CHFR: variants seen among roughly 807,000 people sequenced by gnomAD.
CHFR encodes checkpoint with forkhead and ring finger domains, also known as E3 ubiquitin-protein ligase CHFR.
A neutral mutation model predicts 87.6 loss-of-function variants in CHFR; 57 were observed. The observed-to-expected ratio is 0.65, with a 90% CI of 0.53 to 0.81. The LOEUF is 0.81. CHFR is among the 30% of genes least tolerant of loss of function. The pLI, the probability that CHFR is intolerant of heterozygous loss-of-function variation, is 0.00. For synonymous variants in CHFR, 381 were observed against 359.2 expected, an observed-to-expected ratio of 1.06 and a Z score of -0.69; for missense variants, 797 against 865.8, an observed-to-expected ratio of 0.92 and a Z score of 1.00.
chr12:132,836,470 AGGGCG>A lies in CHFR; in HGVS notation c.*5079_*5083del. 3.1e-6 allele frequency: 1 copy of A among 324,616 alleles called. No individual in the cohort carries two copies. The allele number at this position is 324,616 out of a possible 1,614,324, so 20.1% of individuals were successfully genotyped here. A position where few individuals can be genotyped will look rare whatever the true frequency, so the allele number is the denominator to read the frequency against. The stretch of plus-strand genomic sequence containing the variant: ...GCACTCACAGTGACAGGCTCCCAGC[AGGGCG>A]CACGGCACTCACAGTGACAGGCTCC... On this transcript the variant is annotated 3_prime_UTR_variant, in exon 18 of 18. Coordinates refer to ENST00000450056, the MANE Select transcript of CHFR (RefSeq NM_001161346.2).
In CHFR at chr12:132,839,686, C is replaced by G. The variant is rs146473933; in HGVS notation, c.*1868G>C. On this transcript the variant is annotated 3_prime_UTR_variant, in exon 18 of 18. Transcript: ENST00000450056. Reference sequence around the variant, plus strand: ...ACCTCCCCTCTCCCTCACCCCTGCACCAACTCAAGACTTCCCTTCTTGGCC... The same window carrying G: ...ACCTCCCCTCTCCCTCACCCCTGCAGCAACTCAAGACTTCCCTTCTTGGCC... 39 of 171,618 alleles carry G rather than the reference C, an allele frequency of 2.3e-4. 2 individuals carry two copies. In the East Asian group the frequency reaches 3.5e-3, roughly 16 times the overall value. The allele number at this position is 171,618 out of a possible 1,614,324, so 10.6% of individuals were successfully genotyped here.
rs1026912623 is a variant in CHFR, at chr12:132,837,461, G to C, written c.*4093C>G. The C allele has an allele frequency of 1.3e-5, 2 of 154,444 alleles. No individual in the cohort carries two copies. The highest frequency in any genetic ancestry group is 4.8e-5 in the African/African-American group (2 of 41,462). The allele number at this position is 154,444 out of a possible 1,614,324, so 9.6% of individuals were successfully genotyped here. Reference sequence around the variant, plus strand: ...CAACTGAGCTGAGTGGGTAAGGCTGGAAGGGGTGCCATCCCACACAGGCCA... The same window carrying C: ...CAACTGAGCTGAGTGGGTAAGGCTGCAAGGGGTGCCATCCCACACAGGCCA... On this transcript the variant is annotated 3_prime_UTR_variant, in exon 18 of 18. Transcript: ENST00000450056.
chr12:132,885,812 G>A (rs886470223), intron 2 of CHFR, among the ~76,000 whole-genome samples: 11 of 152,162 alleles, frequency 7.2e-5, no homozygotes, highest in Non-Finnish European at 1.2e-4. Context: ...TGACAGATTG[G>A]AAACCCACAT....
intron 2 of CHFR, among the ~76,000 whole-genome samples, chr12:132,884,189 CG>C (rs1951832911): frequency 6.6e-6 from 1 of 151,390 alleles, no homozygotes; most frequent in African/African-American, 2.4e-5. Flanking sequence ...GAAGCCGAGG[CG>C]GGTGGATCAC....
intron 2 of CHFR, among the ~76,000 whole-genome samples, chr12:132,880,307 G>A (rs1048355175): frequency 3.9e-5 from 6 of 152,120 alleles, no homozygotes; most frequent in Non-Finnish European, 7.3e-5. Flanking sequence ...TTCGCAGATA[G>A]GATATAAAAA....
At position 132,862,397 on chromosome 12, in the gene CHFR, A is replaced by G. The variant is rs1200997859; in HGVS notation, c.584-763T>C. On this transcript the variant is annotated intron_variant, in intron 6 of 17. Coordinates refer to ENST00000450056, the MANE Select transcript of CHFR (RefSeq NM_001161346.2). ...CACTTGATCCCAGGAGTTTTAGACC[A>G]GCCTGGGCAACACAGCAAGGCACCA... The G allele has an allele frequency of 1.6e-5, 7 of 444,688 alleles. No individual in the cohort carries two copies. The Admixed American group carries it at 1.7e-4, about 11-fold the overall frequency. 27.5% of individuals were successfully genotyped at this position (444,688 alleles called of 1,614,324 possible). A position where few individuals can be genotyped will look rare whatever the true frequency, so the allele number is the denominator to read the frequency against.
chr12:132,859,552 G>T (rs1014055717), intron 7 of CHFR, among the ~76,000 whole-genome samples: 1 of 152,036 alleles, frequency 6.6e-6, no homozygotes, highest in African/African-American at 2.4e-5. Context: ...GGGTTTCACC[G>T]TGTTAGCCAG....
chr12:132,886,337 A>AAC (rs1406757301), intron 2 of CHFR, among the ~76,000 whole-genome samples: 1 of 150,410 alleles, frequency 6.6e-6, no homozygotes, highest in African/African-American at 2.4e-5. Flanking sequence ...AAACAAAAAA[A>AAC]ACCAGGTGCA....
intron 11 of CHFR, among the ~76,000 whole-genome samples, chr12:132,852,292 T>C (rs1593461174): frequency 1.3e-5 from 2 of 152,212 alleles, no homozygotes; most frequent in African/African-American, 4.8e-5. Context: ...CCGGCCGATC[T>C]GTTGAAGGTT....
intron 10 of CHFR, chr12:132,854,886 C>CT (rs2136956250): frequency 6.6e-6 from 1 of 152,264 alleles, no homozygotes; most frequent in African/African-American, 2.4e-5. Flanking sequence ...GGGCTAATCA[C>CT]CTGAGGTCAG....
rs1344021759 is a variant in CHFR at position 132,857,471 on chromosome 12, C to A, written c.1000G>T (p.Val334Leu). The A allele has an allele frequency of 1.9e-6, 3 of 1,614,190 alleles. No individual in the cohort carries two copies. Among genetic ancestry groups the A allele is most frequent in the Middle Eastern group, 3.3e-4 (2 of 6,062 alleles). Residue 334 changes from valine (V) to leucine (L), a missense_variant, in exon 9 of 18, where the codon GTG becomes TTG. Val to Leu is a conservative substitution (Grantham distance 32). Transcript: ENST00000450056. ...ATGTGGTTTTTACAGATCCGCTCCACGGGACAGCGGCAGGTAGGACACAGG... is the reference window on the plus strand; with the variant it reads ...ATGTGGTTTTTACAGATCCGCTCCAAGGGACAGCGGCAGGTAGGACACAGG... The part of the protein sequence containing the change: ...SSLCPTCRCP[V>L]ERICKNHILN...
intron 2 of CHFR, chr12:132,883,028 C>G (rs370358776): frequency 6.6e-6 from 1 of 152,198 alleles, no homozygotes; most frequent in South Asian, 2.1e-4. Flanking sequence ...AATCTGGAAC[C>G]GAGATGCTTT....
At chr12:132,857,631 G>A in intron 8 of CHFR, 72 bp from the exon 9 acceptor site, 1 of 1,480,894 alleles carries the variant, frequency 6.8e-7, no homozygotes, top group Non-Finnish European at 9.2e-7. Context: ...AAGGTCCGCA[G>A]CAGCCCCACC....
intron 11 of CHFR, among the ~76,000 whole-genome samples, chr12:132,852,032 G>A (rs1950958817): frequency 6.6e-6 from 1 of 151,820 alleles, no homozygotes; most frequent in African/African-American, 2.4e-5. Context: ...CGCTCAGGCT[G>A]GACTGCAGTG....
chr12:132,871,610 A>G (rs1951491702), intron 4 of CHFR, among the ~76,000 whole-genome samples: 1 of 151,554 alleles, frequency 6.6e-6, no homozygotes, highest in African/African-American at 2.4e-5. Flanking sequence ...CGTCTCTACT[A>G]AAAATACAAA....
intron 6 of CHFR, among the ~76,000 whole-genome samples, chr12:132,864,783 C>T (rs1368976792): frequency 6.6e-6 from 1 of 152,160 alleles, no homozygotes; most frequent in Non-Finnish European, 1.5e-5. Context: ...CCACCACACC[C>T]GGCCAGAAGA....
chr12:132,856,761 C>G (rs576589946), intron 9 of CHFR, 131 bp from the exon 10 acceptor site: 24 of 1,028,704 alleles, frequency 2.3e-5, no homozygotes, highest in Middle Eastern at 2.7e-4. Context: ...CTCACGTGCC[C>G]GGGTGCTGGT....
rs1318710810 is a variant in CHFR at position 132,832,623 on chromosome 12, A to T, written c.*8931T>A. The stretch of plus-strand genomic sequence containing the variant: ...TTTTATGTACCCACAGTAATTTAAA[A>T]TTTTAAAAATTTAGCAAGCAAAATG... On this transcript the variant is annotated 3_prime_UTR_variant, in exon 18 of 18. Transcript: ENST00000450056. 1 of 152,202 alleles carries T rather than the reference A, an allele frequency of 6.6e-6. No individual in the cohort carries two copies. 9.4% of individuals were successfully genotyped at this position (152,202 alleles called of 1,614,324 possible).
At chr12:132,885,910 G>T (rs1285070859) in intron 2 of CHFR, among the ~76,000 whole-genome samples, 1 of 151,480 alleles carries the variant, frequency 6.6e-6, no homozygotes, top group Non-Finnish European at 1.5e-5. Context: ...ACTTCCTCTT[G>T]TCTTAAAGGG....
Sources: allele counts gnomAD v4.1 joint callset (sites outside exome capture counted in the v4.1 genomes callset), GRCh38; gene constraint gnomAD v4.1.1; transcripts MANE v1.5; gene names NCBI Gene and HGNC (gene_info 2026-07-23, HGNC 2026-07-21).